ZNF225: variants seen among roughly 807,000 people sequenced by gnomAD.
The protein encoded by ZNF225 is zinc finger protein 225.
A neutral mutation model predicts 12.0 loss-of-function variants in ZNF225; 6 were observed. The observed-to-expected ratio is 0.50, with a 90% confidence interval of 0.27 to 0.98. The LOEUF is 0.98. Among genes scored for constraint, ZNF225 ranks in the 50% least tolerant of loss-of-function variants. The probability of loss-of-function intolerance (pLI) is 0.11; values close to 1 mark genes in which losing one functional copy is unlikely to be tolerated. For missense variants in ZNF225, 763 were observed against 848.2 expected (o/e 0.90, Z 1.25); for synonymous variants, 271 against 283.2 (o/e 0.96, Z 0.43).
At chr19:44,115,629 GTT>G (rs965448160) in intron 1 of ZNF225, 129 bp from the exon 2 acceptor site, 1 of 504,138 alleles carries the variant, frequency 2.0e-6, no homozygotes, top group African/African-American at 1.9e-5. Flanking sequence ...TTGGTGTGCA[GTT>G]TTGGGTTACT....
upstream of ZNF225, chr19:44,112,813 A>G (rs1244989508): frequency 1.3e-5 from 2 of 152,164 alleles, no homozygotes; most frequent in Non-Finnish European, 2.9e-5. Context: ...TTTAGAAACC[A>G]TTTCTTACCA....
chr19:44,132,005 G>A lies in ZNF225; in HGVS notation c.1391G>A (p.Ser464Asn). 1.9e-6 allele frequency: 3 copies of A among 1,614,116 alleles called. No individual in the cohort carries two copies. Among genetic ancestry groups the A allele is most frequent in the African/African-American group, 2.7e-5 (2 of 75,004 alleles). The change falls in exon 5 of 5, where the codon AGC becomes AAC. Residue 464 changes from serine (S) to asparagine (N), a missense_variant. Coordinates refer to ENST00000262894, the MANE Select transcript of ZNF225 (RefSeq NM_013362.4). The part of the protein sequence containing the change: ...KPYNCKECGK[S>N]FGWASCLLNH... ...TATAATTGTAAGGAATGTGGGAAGAGCTTTGGCTGGGCCTCGTGTCTTTTG... is the reference window on the plus strand; with the variant it reads ...TATAATTGTAAGGAATGTGGGAAGAACTTTGGCTGGGCCTCGTGTCTTTTG...
chr19:44,111,731 TA>T (rs2147544201), upstream of ZNF225, among the ~76,000 whole-genome samples: 1 of 152,226 alleles, frequency 6.6e-6, no homozygotes, highest in South Asian at 2.1e-4. Flanking sequence ...CCAAAATAGG[TA>T]ATAGAAAAGA....
In ZNF225 at chr19:44,115,790, A is replaced by G. The variant is rs376546797; in HGVS notation, c.-38A>G. On this transcript the variant is annotated 5_prime_UTR_variant, in exon 2 of 5. Coordinates refer to ENST00000262894, the MANE Select transcript of ZNF225 (RefSeq NM_013362.4). ...ATTCTGCTTTCCCTTGGACTGTATCACTCAGGACTCTGAATATTCCCTGAA... is the reference window on the plus strand; with the variant it reads ...ATTCTGCTTTCCCTTGGACTGTATCGCTCAGGACTCTGAATATTCCCTGAA... 3.1e-6 allele frequency: 5 copies of G among 1,610,130 alleles called. No homozygotes were observed. In the African/African-American group the frequency reaches 5.3e-5, roughly 17 times the overall value.
Position 44,132,099 on chromosome 19 carries a change from G to T in ZNF225, c.1485G>T (p.Gln495His), listed in dbSNP as rs760924955. Residue 495 changes from glutamine (Q) to histidine (H), a missense_variant, in exon 5 of 5, where the codon CAG (glutamine) becomes CAT (histidine). Gln to His is a conservative substitution (Grantham distance 24). Coordinates refer to ENST00000262894, the MANE Select transcript of ZNF225 (RefSeq NM_013362.4). Reference protein sequence around the residue: ...KCEECGKRFTQNSQLYTHRRV... With the variant: ...KCEECGKRFTHNSQLYTHRRV... ...AAGAATGTGGGAAAAGATTTACTCA[G>T]AATTCACAACTTTATACCCATCGTA... 12 of 1,614,008 alleles carry T rather than the reference G, an allele frequency of 7.4e-6. No individual in the cohort carries two copies. The highest frequency in any genetic ancestry group is 1.1e-5 in the South Asian group (1 of 91,052).
At chr19:44,127,461 T>G (rs577930432) in intron 4 of ZNF225, among the ~76,000 whole-genome samples, 3 of 152,214 alleles carry the variant, frequency 2.0e-5, no homozygotes, top group Non-Finnish European at 1.5e-5. Context: ...TGCTAGTTTG[T>G]TTTTGCAGTT....
rs945953502 is a variant in ZNF225 at position 44,133,143 on chromosome 19, C to T, written c.*408C>T. ...ACTTAATATAATGCCCTGTAAGTCT[C>T]ATTCACTTTGCTGTGAGTGATAGAA... On this transcript the variant is annotated 3_prime_UTR_variant, in exon 5 of 5. Transcript: ENST00000262894. The T allele has an allele frequency of 1.3e-5, 2 of 158,400 alleles. No homozygotes were observed. Among genetic ancestry groups the T allele is most frequent in the African/African-American group, 4.8e-5 (2 of 41,506 alleles). The allele number at this position is 158,400 out of a possible 1,614,324, so 9.8% of individuals were successfully genotyped here.
Position 44,132,512 on chromosome 19 carries a change from T to C in ZNF225, c.1898T>C (p.Phe633Ser), listed in dbSNP as rs1378487372. ...PYKCEKCGKS[F>S]RWASTHLTHQ... ...AAATGTGAGAAGTGTGGAAAGAGCT[T>C]CAGATGGGCCTCAACTCATCTAACC... The change falls in exon 5 of 5, where the codon TTC (phenylalanine) becomes TCC (serine). Residue 633 changes from phenylalanine to serine, a missense_variant. By Grantham distance (155) the Phe-to-Ser change is radical. Coordinates refer to ENST00000262894, the MANE Select transcript of ZNF225 (RefSeq NM_013362.4). 1.9e-5 allele frequency: 31 copies of C among 1,613,980 alleles called. No homozygotes were observed. Among genetic ancestry groups the C allele is most frequent in the Non-Finnish European group, 2.6e-5 (31 of 1,180,002 alleles).
At chr19:44,129,323 T>C in intron 4 of ZNF225, 1 of 351,434 alleles carries the variant, frequency 2.8e-6, no homozygotes, top group South Asian at 1.5e-4. Context: ...CCAAATTATT[T>C]TCATGTTCCA....
chr19:44,131,842 T>G lies in ZNF225; in HGVS notation c.1228T>G (p.Tyr410Asp). The stretch of plus-strand genomic sequence containing the variant: ...ATGTGAAGAATGTGGGAAGGGATTT[T>G]ATACAAATTCACAACGTTATTCTCA... Reference protein sequence around the residue: ...FKCEECGKGFYTNSQRYSHQR... With the variant: ...FKCEECGKGFDTNSQRYSHQR... The change falls in exon 5 of 5, where the codon TAT (tyrosine) becomes GAT (aspartate). Residue 410 changes from tyrosine (Y) to aspartate (D), a missense_variant. By Grantham distance (160) the Tyr-to-Asp change is radical. Transcript: ENST00000262894. 6.2e-7 allele frequency: 1 copy of G among 1,612,710 alleles called. No individual in the cohort carries two copies. The highest frequency in any genetic ancestry group is 1.1e-5 in the South Asian group (1 of 90,982).
rs918282269 is a variant in ZNF225, at chr19:44,113,459, T to C, written c.-179T>C. On this transcript the variant is annotated 5_prime_UTR_variant, in exon 1 of 5. Transcript: ENST00000262894. ...GAGGTTGCTGCAGTTTTGTCCCTGGTAGTTTGGGTCAGTTCCGCGAGACCC... is the reference window on the plus strand; with the variant it reads ...GAGGTTGCTGCAGTTTTGTCCCTGGCAGTTTGGGTCAGTTCCGCGAGACCC... The C allele has an allele frequency of 6.6e-6, 1 of 152,206 alleles. No individual in the cohort carries two copies. Among genetic ancestry groups the C allele is most frequent in the East Asian group, 1.9e-4 (1 of 5,174 alleles). The allele number at this position is 152,206 out of a possible 1,614,324, so 9.4% of individuals were successfully genotyped here.
intron 4 of ZNF225, among the ~76,000 whole-genome samples, chr19:44,120,322 G>A (rs1968028973): frequency 1.3e-5 from 2 of 152,200 alleles, no homozygotes; most frequent in Admixed American, 6.5e-5. Context: ...GGAATGTGAT[G>A]TCTAAGAGGA....
chr19:44,121,098 C>T (rs1353375708), intron 4 of ZNF225, among the ~76,000 whole-genome samples: 6 of 152,180 alleles, frequency 3.9e-5, no homozygotes, highest in African/African-American at 9.6e-5. Flanking sequence ...CGGGTTTTAC[C>T]GTGTTAGCCA....
At chr19:44,116,554 A>G (rs1967945968) in intron 2 of ZNF225, among the ~76,000 whole-genome samples, 1 of 152,226 alleles carries the variant, frequency 6.6e-6, no homozygotes. Context: ...CTAGAGCAAA[A>G]ATATTCACTA....
rs778177647 is a variant in ZNF225, at chr19:44,132,029, T to G, written c.1415T>G (p.Leu472Trp). ...GKSFGWASCL[L>W]NHQRIHSGEK... Reference sequence around the variant, plus strand: ...AGCTTTGGCTGGGCCTCGTGTCTTTTGAATCATCAGAGAATCCACAGTGGA... The same window carrying G: ...AGCTTTGGCTGGGCCTCGTGTCTTTGGAATCATCAGAGAATCCACAGTGGA... The change falls in exon 5 of 5, where the codon TTG (leucine) becomes TGG (tryptophan). Residue 472 changes from leucine (L) to tryptophan (W), a missense_variant. Leu to Trp is a moderately conservative substitution (Grantham distance 61, BLOSUM62 -2). Coordinates refer to ENST00000262894, the MANE Select transcript of ZNF225 (RefSeq NM_013362.4). The G allele has an allele frequency of 2.0e-5, 32 of 1,613,266 alleles. No individual in the cohort carries two copies. The highest frequency in any genetic ancestry group is 2.5e-5 in the Non-Finnish European group (30 of 1,179,874).
intron 4 of ZNF225, among the ~76,000 whole-genome samples, chr19:44,121,824 C>T (rs879583296): frequency 1.1e-4 from 17 of 152,086 alleles, no homozygotes; most frequent in Non-Finnish European, 2.2e-4. Flanking sequence ...GTTCTTAGCC[C>T]ACTTTTTGAT....
chr19:44,134,585 T>G lies in ZNF225; in HGVS notation c.*1850T>G, dbSNP rs1205712434. 6.6e-6 allele frequency: 1 copy of G among 152,222 alleles called. No homozygotes were observed. The highest frequency in any genetic ancestry group is 2.4e-5 in the African/African-American group (1 of 41,460). The allele number at this position is 152,222 out of a possible 1,614,324, so 9.4% of individuals were successfully genotyped here. On this transcript the variant is annotated 3_prime_UTR_variant, in exon 5 of 5. Coordinates refer to ENST00000262894, the MANE Select transcript of ZNF225 (RefSeq NM_013362.4). ...TTTTTAACTGTCACCGATACCAGAA[T>G]AGCTCATCTCCAAGGTAACTGTAAC...
At chr19:44,118,601 T>A in intron 4 of ZNF225, 27 bp downstream of exon 4, 1 of 1,597,476 alleles carries the variant, frequency 6.3e-7, no homozygotes, top group Non-Finnish European at 8.6e-7. Flanking sequence ...TCTGTGTCCT[T>A]GTGCGTGACT....
chr19:44,133,809 G>T lies in ZNF225; in HGVS notation c.*1074G>T, dbSNP rs1355416770. 1 of 127,674 alleles carries T rather than the reference G, an allele frequency of 7.8e-6. No homozygotes were observed. The highest frequency in any genetic ancestry group is 3.4e-5 in the African/African-American group (1 of 29,392). 7.9% of individuals were successfully genotyped at this position (127,674 alleles called of 1,614,324 possible). ...TTGATTTTTATAATCAAATCTACTAGAGATAGATTTGATTTTTATAATCAA... is the reference window on the plus strand; with the variant it reads ...TTGATTTTTATAATCAAATCTACTATAGATAGATTTGATTTTTATAATCAA... On this transcript the variant is annotated 3_prime_UTR_variant, in exon 5 of 5. Transcript: ENST00000262894.
Sources: gnomAD v4.1 joint callset for allele counts (sites outside exome capture counted in the v4.1 genomes callset) on GRCh38, gnomAD v4.1.1 for gene constraint, MANE v1.5 for transcripts, NCBI Gene and HGNC (gene_info 2026-07-23, HGNC 2026-07-21) for gene names.